The following KIDINS220 variants were observed in gnomAD, a reference collection of about 807,000 sequenced individuals.
KIDINS220 encodes kinase D-interacting substrate of 220 kDa.
KIDINS220 carries 63 observed loss-of-function variants against 157.6 expected under a neutral mutation model. The observed-to-expected ratio is 0.40, with a 90% CI of 0.33 to 0.49. KIDINS220 has a LOEUF of 0.49. Among genes scored for constraint, KIDINS220 ranks in the 20% least tolerant of loss-of-function variants. The pLI, the probability that KIDINS220 is intolerant of heterozygous loss-of-function variation, is 0.66. For missense variants in KIDINS220, 1,772 were observed against 2,171.2 expected, an observed-to-expected ratio of 0.82 and a Z score of 3.65; for synonymous variants, 732 against 783.6, an observed-to-expected ratio of 0.93 and a Z score of 1.10.
At chr2:8,768,841 T>C (rs1344147327) in intron 22 of KIDINS220, among the ~76,000 whole-genome samples, 1 of 152,174 alleles carries the variant, frequency 6.6e-6, no homozygotes, top group East Asian at 1.9e-4. Context: ...TGTCTTCCTA[T>C]AGTTTTTCAT....
chr2:8,793,759 T>A (rs944340466), intron 12 of KIDINS220, 51 bp downstream of exon 12: 4 of 1,487,256 alleles, frequency 2.7e-6, no homozygotes, highest in Non-Finnish European at 3.6e-6. Context: ...TATTCTTTAA[T>A]GGAACATTGA....
At position 8,793,817 on chromosome 2, in the gene KIDINS220, A is replaced by G. The variant is rs1167534504; in HGVS notation, c.1269T>C (p.Phe423=). 3 of 1,592,702 alleles carry G rather than the reference A, an allele frequency of 1.9e-6. No individual in the cohort carries two copies. Among genetic ancestry groups the G allele is most frequent in the Non-Finnish European group, 2.6e-6 (3 of 1,171,894 alleles). ...GCAAAACTCAATACTTACTGGCTCC[A>G]AATATTTGAGTTAAAATACTCTTCT... ...SHQKSILTQI[F]GARHLSPTET... is the part of the protein sequence containing the mutation. Residue 423 remains phenylalanine, a synonymous_variant, in exon 12 of 30, where the codon TTT becomes TTC. Coordinates refer to ENST00000256707, the MANE Select transcript of KIDINS220 (RefSeq NM_020738.4).
At chr2:8,802,756 G>A (rs561251621) in intron 8 of KIDINS220, among the ~76,000 whole-genome samples, 174 bp downstream of exon 8, 1 of 152,206 alleles carries the variant, frequency 6.6e-6, no homozygotes, top group Non-Finnish European at 1.5e-5. Flanking sequence ...AAATTAAAAA[G>A]GACATTTTTC....
chr2:8,793,553 C>T (rs1235262172), intron 12 of KIDINS220, among the ~76,000 whole-genome samples: 2 of 152,146 alleles, frequency 1.3e-5, no homozygotes, highest in African/African-American at 4.8e-5. Context: ...GATCCTCCCA[C>T]CTCAGCCTCC....
In KIDINS220 at chr2:8,770,768, A is replaced by G. The variant is rs1670100459; in HGVS notation, c.2913T>C (p.Leu971=). 2 of 1,612,638 alleles carry G rather than the reference A, an allele frequency of 1.2e-6. No individual in the cohort carries two copies. The highest frequency in any genetic ancestry group is 2.7e-5 in the African/African-American group (2 of 74,898). ...NWDRLASWIN[L]TEQWPYRTSW... ...AAGTCCGGTATGGCCACTGCTCAGT[A>G]AGGTTGATCCAGCTAGCAAGCCTGT... Residue 971 remains leucine (L), a synonymous_variant, in exon 22 of 30, where the codon CTT becomes CTC. Transcript: ENST00000256707.
intron 22 of KIDINS220, among the ~76,000 whole-genome samples, chr2:8,766,002 A>C (rs1259774144): frequency 6.6e-6 from 1 of 152,104 alleles, no homozygotes; most frequent in Non-Finnish European, 1.5e-5. Context: ...CCCTTGAATC[A>C]ACAGGCTTCC....
chr2:8,727,162 A>G, downstream of KIDINS220: 1 of 1,156,708 alleles, frequency 8.6e-7, no homozygotes. Context: ...CTGGAAACTC[A>G]AAACGCGATA....
intron 5 of KIDINS220, 124 bp downstream of exon 5, chr2:8,813,111 CTA>C (rs1220437407): frequency 5.4e-5 from 31 of 568,960 alleles, no homozygotes; most frequent in African/African-American, 1.5e-4. Context: ...AAATCATATT[CTA>C]TGTTACGTTT....
chr2:8,764,636 TA>T (rs1423182424), intron 22 of KIDINS220, among the ~76,000 whole-genome samples: 3 of 152,204 alleles, frequency 2.0e-5, no homozygotes, highest in Admixed American at 6.5e-5. Context: ...CCCAGGGATA[TA>T]CTGGTATATA....
Position 8,798,253 on chromosome 2 carries a change from T to C in KIDINS220, c.948A>G (p.Thr316=), listed in dbSNP as rs539594098. The C allele has an allele frequency of 3.3e-5, 53 of 1,613,042 alleles. 1 individual carries two copies. In the African/African-American group the frequency reaches 5.6e-4, roughly 17 times the overall value. ...LYWAVEKGNA[T]MVRDILQCNP... ...TGCACTGTAAGATATCTCTCACCATTGTTGCATTTCCTTTCTCAACAGCCC... is the reference window on the plus strand; with the variant it reads ...TGCACTGTAAGATATCTCTCACCATCGTTGCATTTCCTTTCTCAACAGCCC... Residue 316 remains threonine (T), a synonymous_variant, in exon 10 of 30, where the codon ACA becomes ACG. Coordinates refer to ENST00000256707, the MANE Select transcript of KIDINS220 (RefSeq NM_020738.4).
rs1442269147 is a variant in KIDINS220 at position 8,731,637 on chromosome 2, TG to T, written c.4398del (p.Thr1467ProfsTer41). 6.2e-7 allele frequency: 1 copy of T among 1,614,218 alleles called. No homozygotes were observed. Among genetic ancestry groups the T allele is most frequent in the Admixed American group, 1.7e-5 (1 of 60,024 alleles). On this transcript the variant is annotated frameshift_variant, in exon 30 of 30. Transcript: ENST00000256707. LOFTEE classifies it low-confidence loss of function (END_TRUNC). This position sits in a 1 kb window ranked among gnomAD's most constrained non-coding sequence, Gnocchi z 5.2. ...DVIDYSSSGV[S>X]TNDASPLDPI... The stretch of plus-strand genomic sequence containing the variant: ...GGATCCAGGGGGGAAGCATCGTTGG[TG>T]GAAACCCCTGATGATGAATAATCGA...
intron 17 of KIDINS220, among the ~76,000 whole-genome samples, chr2:8,780,723 TA>T (rs1444928904): frequency 6.6e-6 from 1 of 151,638 alleles, no homozygotes; most frequent in Non-Finnish European, 1.5e-5. Flanking sequence ...GGATTAGTTA[TA>T]AATGCATATT....
At chr2:8,779,485 T>A (rs1425355983) in intron 18 of KIDINS220, among the ~76,000 whole-genome samples, 189 bp downstream of exon 18, 1 of 152,272 alleles carries the variant, frequency 6.6e-6, no homozygotes, top group African/African-American at 2.4e-5. Flanking sequence ...TAAATATCTT[T>A]GTGACTAAAC....
At chr2:8,736,752 C>T in intron 27 of KIDINS220, 116 bp downstream of exon 27, 1 of 1,129,108 alleles carries the variant, frequency 8.9e-7, no homozygotes, top group Non-Finnish European at 1.2e-6. Context: ...TAGAGCTTTC[C>T]CATTTTAACA....
At chr2:8,727,725 A>G (rs891596777), downstream of KIDINS220, among the ~76,000 whole-genome samples, 1 of 152,242 alleles carries the variant, frequency 6.6e-6, no homozygotes, top group Non-Finnish European at 1.5e-5. Context: ...TTGGCTAGGC[A>G]ATCAAAATCA....
At chr2:8,786,585 G>A (rs1291994535) in intron 15 of KIDINS220, among the ~76,000 whole-genome samples, 1 of 151,944 alleles carries the variant, frequency 6.6e-6, no homozygotes, top group Non-Finnish European at 1.5e-5. Context: ...AATGTGCAGG[G>A]CCATATAAAG....
chr2:8,766,127 A>G (rs765870475), intron 22 of KIDINS220, among the ~76,000 whole-genome samples: 6 of 152,134 alleles, frequency 3.9e-5, no homozygotes, highest in South Asian at 2.1e-4. Flanking sequence ...GGTAAAAGCC[A>G]AAGTCCTTAC....
At chr2:8,721,283 A>G (rs1034014020), downstream of KIDINS220, 3 of 152,232 alleles carry the variant, frequency 2.0e-5, no homozygotes, top group Non-Finnish European at 4.4e-5. Flanking sequence ...GGGCAAGTGT[A>G]TCAAAGCTAG....
chr2:8,736,533 C>T (rs187175459), intron 27 of KIDINS220, among the ~76,000 whole-genome samples: 27 of 152,234 alleles, frequency 1.8e-4, no homozygotes, highest in Admixed American at 3.9e-4. Context: ...CAAAGGTTTT[C>T]GGTTCCACAC....
Sources: allele counts gnomAD v4.1 joint callset (sites outside exome capture counted in the v4.1 genomes callset), GRCh38; gene constraint gnomAD v4.1.1; non-coding constraint Gnocchi (gnomAD v3.1); transcripts MANE v1.5; gene names NCBI Gene and HGNC (gene_info 2026-07-23, HGNC 2026-07-21).